The following GRB10 variants were observed in gnomAD, a reference collection of about 807,000 sequenced individuals.
The protein encoded by GRB10 is growth factor receptor bound protein 10.
Under a neutral mutation model 80.9 loss-of-function variants are expected in GRB10, and 20 were observed. The ratio of observed to expected loss-of-function variants is 0.25; its 90% CI spans 0.17 to 0.36. GRB10 has a LOEUF of 0.36. Among genes scored for constraint, GRB10 ranks in the 10% least tolerant of loss-of-function variants. The pLI, the probability that GRB10 is intolerant of heterozygous loss-of-function variation, is 1.00. For missense variants in GRB10, 548 were observed against 747.7 expected, an observed-to-expected ratio of 0.73 and a Z score of 3.12; for synonymous variants, 291 against 291.5, an observed-to-expected ratio of 1.00 and a Z score of 0.02.
chr7:50,712,148 C>A (rs2065991282), intron 4 of GRB10, among the ~76,000 whole-genome samples: 1 of 152,170 alleles, frequency 6.6e-6, no homozygotes, highest in African/African-American at 2.4e-5. Flanking sequence ...GCAGTATCAG[C>A]ACTCCTATTC....
intron 5 of GRB10, among the ~76,000 whole-genome samples, chr7:50,699,940 C>G (rs540488458): frequency 1.2e-4 from 19 of 152,212 alleles, no homozygotes; most frequent in Admixed American, 1.1e-3. Flanking sequence ...TCGAGACCAT[C>G]CTACCTAACA....
chr7:50,717,199 A>G (rs2067002857), intron 4 of GRB10, among the ~76,000 whole-genome samples: 1 of 151,896 alleles, frequency 6.6e-6, no homozygotes, highest in Non-Finnish European at 1.5e-5. Context: ...GTGGCAGCCT[A>G]ACAACTGCAA....
intron 1 of GRB10, chr7:50,792,991 C>T (rs2079000064): frequency 1.4e-5 from 2 of 143,826 alleles, no homozygotes; most frequent in Non-Finnish European, 3.1e-5. Flanking sequence ...CGCGCGCCCG[C>T]AGCCCCAGTC....
intron 1 of GRB10, chr7:50,792,597 C>T: frequency 2.5e-6 from 1 of 398,124 alleles, no homozygotes; most frequent in Non-Finnish European, 4.4e-6. Flanking sequence ...ATCCGCGAGC[C>T]CTCAACTTGG....
intron 3 of GRB10, among the ~76,000 whole-genome samples, chr7:50,741,549 T>G (rs2071738990): frequency 6.9e-6 from 1 of 144,750 alleles, no homozygotes; most frequent in Non-Finnish European, 1.5e-5. Context: ...GGAACATGTG[T>G]TTAAAAAAAA....
At chr7:50,751,030 C>T (rs771899534) in intron 3 of GRB10, among the ~76,000 whole-genome samples, 7 of 152,304 alleles carry the variant, frequency 4.6e-5, no homozygotes, top group Admixed American at 2.0e-4. Context: ...AAATCAGACT[C>T]GCCAAGAATG....
intron 4 of GRB10, among the ~76,000 whole-genome samples, chr7:50,710,698 T>A (rs936105349): frequency 6.6e-6 from 1 of 152,160 alleles, no homozygotes; most frequent in African/African-American, 2.4e-5. Context: ...GGCCCCCACA[T>A]GCTGGTTAGT....
intron 3 of GRB10, among the ~76,000 whole-genome samples, chr7:50,732,576 G>A (rs140890505): frequency 6.6e-6 from 1 of 152,284 alleles, no homozygotes; most frequent in African/African-American, 2.4e-5. Flanking sequence ...CATCTGTGAG[G>A]TCAAAAGTCT....
intron 4 of GRB10, among the ~76,000 whole-genome samples, chr7:50,719,588 C>A (rs2067396386): frequency 6.6e-6 from 1 of 151,990 alleles, no homozygotes; most frequent in Admixed American, 6.6e-5. Flanking sequence ...GGCTTAAAAA[C>A]CTAGATGATG....
intron 7 of GRB10, among the ~76,000 whole-genome samples, chr7:50,631,368 G>A (rs1346298643): frequency 1.1e-5 from 1 of 91,494 alleles, no homozygotes; most frequent in African/African-American, 4.3e-5. Flanking sequence ...TGCACACACT[G>A]ACCCACAGTA....
In GRB10 at chr7:50,626,978, C is replaced by A. The variant is rs1251275677; in HGVS notation, c.505G>T (p.Asp169Tyr). 1.9e-6 allele frequency: 3 copies of A among 1,613,956 alleles called. No homozygotes were observed. The Admixed American group carries it at 5.0e-5, about 27-fold the overall frequency. ...LPPSQAAAKQ[D>Y]VKVFSEDGTS... is the part of the protein sequence containing the mutation. ...CCATCTTCACTAAAGACTTTAACAT[C>A]CTGCAACACACAAAGGGGATAGTTA... The change falls in exon 8 of 19, where the codon GAT (aspartate) becomes TAT (tyrosine). Residue 169 changes from aspartate to tyrosine, a missense_variant and splice_region_variant. Asp to Tyr is a radical substitution (Grantham distance 160). This residue lies in a region of GRB10 where 245 missense variants were observed against 229.3 expected (regional missense o/e 1.07). Coordinates refer to ENST00000401949, the MANE Select transcript of GRB10 (RefSeq NM_001350814.2).
chr7:50,684,730 CAG>C (rs2061925030), intron 5 of GRB10, among the ~76,000 whole-genome samples: 1 of 152,186 alleles, frequency 6.6e-6, no homozygotes, highest in African/African-American at 2.4e-5. Flanking sequence ...TCGGGAGTGA[CAG>C]AGAAACATAC....
intron 2 of GRB10, among the ~76,000 whole-genome samples, chr7:50,758,714 A>T (rs980716574): frequency 6.6e-6 from 1 of 152,260 alleles, no homozygotes; most frequent in Non-Finnish European, 1.5e-5. Flanking sequence ...TCCATATTGT[A>T]CTGATATCAG....
In GRB10 at chr7:50,775,161, C is replaced by CAAAAAAA. The variant is rs777553621; in HGVS notation, c.-217+5459_-217+5465dup. On this transcript the variant is annotated intron_variant, in intron 2 of 18. Coordinates refer to ENST00000401949, the MANE Select transcript of GRB10 (RefSeq NM_001350814.2). ...GAATGACACAGTGAGATCCTGTCTC[C>CAAAAAAA]AAAAAAAAAAAACAAAAAAAAACAG... Among the ~76,000 whole-genome samples, 281 of 30,912 alleles carry CAAAAAAA rather than the reference C, an allele frequency of 9.1e-3. 31 individuals are homozygous for CAAAAAAA. Among genetic ancestry groups the CAAAAAAA allele is most frequent in the African/African-American group, 0.02 (186 of 9,100 alleles). The allele number at this position is 30,912 out of a possible 152,430, so 20.3% of individuals were successfully genotyped here. A position where few individuals can be genotyped will look rare whatever the true frequency, so the allele number is the denominator to read the frequency against.
chr7:50,712,137 T>C (rs2065990295), intron 4 of GRB10, among the ~76,000 whole-genome samples: 1 of 152,120 alleles, frequency 6.6e-6, no homozygotes, highest in Non-Finnish European at 1.5e-5. Flanking sequence ...TGGTAAAAGC[T>C]GCAGTATCAG....
intron 2 of GRB10, among the ~76,000 whole-genome samples, chr7:50,767,871 T>C (rs1021616833): frequency 6.6e-6 from 1 of 152,196 alleles, no homozygotes; most frequent in Non-Finnish European, 1.5e-5. Context: ...GCCCAAGCTG[T>C]GCCTCTCAAT....
At chr7:50,710,978 A>G in intron 4 of GRB10, 4 of 1,347,850 alleles carry the variant, frequency 3.0e-6, no homozygotes, top group Non-Finnish European at 4.3e-6. Flanking sequence ...CCTGTGCACA[A>G]TATTTTCAGA....
At chr7:50,652,033 C>G (rs990436130) in intron 7 of GRB10, among the ~76,000 whole-genome samples, 2 of 152,230 alleles carry the variant, frequency 1.3e-5, no homozygotes, top group African/African-American at 4.8e-5. Context: ...ACTGTCCCCA[C>G]TTGGAAGGGC....
chr7:50,723,535 G>A (rs1036061305), intron 4 of GRB10, among the ~76,000 whole-genome samples: 2 of 152,344 alleles, frequency 1.3e-5, no homozygotes, highest in South Asian at 2.1e-4. Flanking sequence ...CTAAACCAGA[G>A]TCTGGGGGCA....
Sources: gnomAD v4.1 joint callset for allele counts (sites outside exome capture counted in the v4.1 genomes callset) on GRCh38, gnomAD v4.1.1 for gene constraint, gnomAD v4.1.1 regional missense constraint, MANE v1.5 for transcripts, NCBI Gene and HGNC (gene_info 2026-07-23, HGNC 2026-07-21) for gene names.